Variants in NNMT observed in about 807,000 individuals in gnomAD.
NNMT encodes the protein nicotinamide N-methyltransferase.
A neutral mutation model predicts 11.7 loss-of-function variants in NNMT; 10 were observed. The ratio of observed to expected loss-of-function variants is 0.85; its 90% CI spans 0.53 to 1.45. The LOEUF (loss-of-function observed/expected upper bound fraction) is 1.45, where lower values mean the gene tolerates loss of function less well. Ranked by LOEUF, NNMT falls within the 40% of genes most tolerant of loss-of-function variation. NNMT has a pLI of 0.00. For synonymous variants in NNMT, 143 were observed against 133.8 expected (o/e 1.07, Z -0.48); for missense variants, 381 against 319.4 (o/e 1.19, Z -1.47).
chr11:114,267,477 A>G (rs1296184591), intron 2 of NNMT, among the ~76,000 whole-genome samples: 2 of 152,148 alleles, frequency 1.3e-5, no homozygotes, highest in Non-Finnish European at 2.9e-5. Flanking sequence ...ACAAATGCCA[A>G]TACCTACATA....
intron 2 of NNMT, among the ~76,000 whole-genome samples, chr11:114,281,552 G>A (rs1334232604): frequency 6.6e-6 from 1 of 152,168 alleles, no homozygotes; most frequent in Admixed American, 6.5e-5. Context: ...GGGCTTTTCA[G>A]GCAAAGGGTC....
intron 2 of NNMT, among the ~76,000 whole-genome samples, chr11:114,278,089 G>A (rs1945228247): frequency 1.3e-5 from 2 of 152,194 alleles, no homozygotes. Flanking sequence ...AATTTATAAA[G>A]AAAAGAGCTT....
intron 2 of NNMT, among the ~76,000 whole-genome samples, chr11:114,282,515 G>C (rs1390438171): frequency 1.3e-5 from 2 of 152,196 alleles, no homozygotes; most frequent in East Asian, 3.8e-4. Context: ...GACAGAGATT[G>C]TCTAACTCCT....
chr11:114,294,771 G>GA (rs1022929664), upstream of NNMT, among the ~76,000 whole-genome samples: 8 of 144,036 alleles, frequency 5.6e-5, no homozygotes, highest in African/African-American at 1.0e-4. Flanking sequence ...AATAGCAACC[G>GA]AAAAAAAAAG....
chr11:114,263,098 A>G (rs900471907), intron 2 of NNMT, among the ~76,000 whole-genome samples: 2 of 152,170 alleles, frequency 1.3e-5, no homozygotes, highest in Admixed American at 1.3e-4. Context: ...CATCCCAAGC[A>G]TGGGTACTTG....
At position 114,312,154 on chromosome 11, in the gene NNMT, G is replaced by C. The variant is rs749992560; in HGVS notation, c.472G>C (p.Asp158His). The change falls in exon 3 of 3, where the codon GAC becomes CAC. Residue 158 changes from aspartate to histidine, a missense_variant. By Grantham distance (81) the Asp-to-His change is moderately conservative. Coordinates refer to ENST00000299964, the MANE Select transcript of NNMT (RefSeq NM_006169.3). ...PLGAVPLPPA[D>H]CVLSTLCLDA... ...GGGGGCCGTCCCCTTACCCCCGGCTGACTGCGTGCTCAGCACACTGTGTCT... is the reference window on the plus strand; with the variant it reads ...GGGGGCCGTCCCCTTACCCCCGGCTCACTGCGTGCTCAGCACACTGTGTCT... The C allele has an allele frequency of 1.1e-5, 18 of 1,614,196 alleles. No homozygotes were observed. Among genetic ancestry groups the C allele is most frequent in the Non-Finnish European group, 3.4e-6 (4 of 1,180,002 alleles).
At chr11:114,287,337 ATTC>A (rs1441829079) in intron 2 of NNMT, among the ~76,000 whole-genome samples, 1 of 152,186 alleles carries the variant, frequency 6.6e-6, no homozygotes, top group Non-Finnish European at 1.5e-5. Context: ...TCATAAAGAT[ATTC>A]TTCTACATTA....
At chr11:114,277,974 C>T (rs1383615904) in intron 2 of NNMT, among the ~76,000 whole-genome samples, 1 of 152,162 alleles carries the variant, frequency 6.6e-6, no homozygotes, top group Non-Finnish European at 1.5e-5. Flanking sequence ...GTTCTGACAT[C>T]GGTAGTTTTT....
intron 2 of NNMT, among the ~76,000 whole-genome samples, chr11:114,273,962 G>A (rs542343855): frequency 2.6e-5 from 4 of 152,280 alleles, no homozygotes; most frequent in African/African-American, 9.6e-5. Flanking sequence ...CTCTGAACAG[G>A]TAATTTACAG....
intron 2 of NNMT, among the ~76,000 whole-genome samples, chr11:114,274,724 CTG>C (rs1188395930): frequency 2.0e-5 from 3 of 152,244 alleles, no homozygotes; most frequent in East Asian, 3.8e-4. Context: ...CAGAAAGAAA[CTG>C]TCCCAGATGC....
At chr11:114,258,875 C>T (rs954298196) in intron 1 of NNMT, among the ~76,000 whole-genome samples, 34 of 150,266 alleles carry the variant, frequency 2.3e-4, no homozygotes, top group African/African-American at 8.1e-4. Flanking sequence ...CCCTGTGGGC[C>T]TGTGCGTGTG....
chr11:114,288,604 G>A (rs1179720432), intron 2 of NNMT, among the ~76,000 whole-genome samples: 1 of 152,104 alleles, frequency 6.6e-6, no homozygotes, highest in Non-Finnish European at 1.5e-5. Flanking sequence ...TTAGGCTCTT[G>A]AGTTAGATTG....
chr11:114,299,271 A>T (rs1003522191), intron 2 of NNMT, among the ~76,000 whole-genome samples: 2 of 152,222 alleles, frequency 1.3e-5, no homozygotes, highest in Non-Finnish European at 2.9e-5. Flanking sequence ...TTTCATAGAT[A>T]TTATTTATCA....
chr11:114,294,248 C>T (rs544848143), upstream of NNMT, among the ~76,000 whole-genome samples: 13 of 151,824 alleles, frequency 8.6e-5, no homozygotes, highest in East Asian at 1.9e-4. Flanking sequence ...TTTGGGAGGC[C>T]GAGGTAGGCG....
chr11:114,287,780 T>C (rs1215335239), intron 2 of NNMT, among the ~76,000 whole-genome samples: 1 of 152,208 alleles, frequency 6.6e-6, no homozygotes, highest in Non-Finnish European at 1.5e-5. Flanking sequence ...CAAAAAACTA[T>C]TGGGATTTTA....
At chr11:114,287,079 T>A (rs967161868) in intron 2 of NNMT, among the ~76,000 whole-genome samples, 2 of 152,218 alleles carry the variant, frequency 1.3e-5, no homozygotes, top group African/African-American at 4.8e-5. Flanking sequence ...AGTTTTTTGT[T>A]TTCTTTATTT....
rs553896242 is a variant in NNMT at position 114,313,214 on chromosome 11, C to G, written c.*737C>G. ...TGAATTGTGGCCAGGCACTGTGGCT[C>G]ATGCCTGTAATCCCAGCGCTTTGGG... On this transcript the variant is annotated 3_prime_UTR_variant, in exon 3 of 3. Coordinates refer to ENST00000299964, the MANE Select transcript of NNMT (RefSeq NM_006169.3). The G allele has an allele frequency of 2.0e-5, 3 of 152,358 alleles. No individual in the cohort carries two copies. In the South Asian group the frequency reaches 6.2e-4, roughly 32 times the overall value. The allele number at this position is 152,358 out of a possible 1,614,324, so 9.4% of individuals were successfully genotyped here. A position where few individuals can be genotyped will look rare whatever the true frequency, so the allele number is the denominator to read the frequency against.
At chr11:114,302,639 T>C (rs1945449352) in intron 2 of NNMT, among the ~76,000 whole-genome samples, 2 of 152,190 alleles carry the variant, frequency 1.3e-5, no homozygotes, top group African/African-American at 4.8e-5. Flanking sequence ...GTTAGTTGAA[T>C]AGTGTTAAGT....
intron 2 of NNMT, among the ~76,000 whole-genome samples, chr11:114,276,690 A>T (rs1330504446): frequency 6.6e-6 from 1 of 152,208 alleles, no homozygotes; most frequent in African/African-American, 2.4e-5. Flanking sequence ...CATAGAGAGA[A>T]GAGGGGAGAG....
Sources: allele counts gnomAD v4.1 joint callset (sites outside exome capture counted in the v4.1 genomes callset), GRCh38; gene constraint gnomAD v4.1.1; transcripts MANE v1.5; gene names NCBI Gene and HGNC (gene_info 2026-07-23, HGNC 2026-07-21).